NAALAD2: variants seen among roughly 807,000 people sequenced by gnomAD.
NAALAD2 encodes N-acetylated-alpha-linked acidic dipeptidase 2.
In NAALAD2, 89 loss-of-function variants were observed where a neutral mutation model predicts 95.6. The observed-to-expected ratio is 0.93, with a 90% CI of 0.78 to 1.11. The LOEUF is 1.11. Among genes scored for constraint, NAALAD2 ranks in the 50% least tolerant of loss-of-function variants. The pLI, the probability that NAALAD2 is intolerant of heterozygous loss-of-function variation, is 0.00. For missense variants in NAALAD2, 894 were observed against 872.4 expected (o/e 1.02, Z -0.31); for synonymous variants, 264 against 294.4 (o/e 0.90, Z 1.06).
chr11:90,156,614 C>A (rs1952125653), intron 6 of NAALAD2, among the ~76,000 whole-genome samples: 2 of 152,042 alleles, frequency 1.3e-5, no homozygotes, highest in South Asian at 4.1e-4. Context: ...CACTCTGTCA[C>A]CCTGTCTGTC....
intron 2 of NAALAD2, among the ~76,000 whole-genome samples, chr11:90,145,524 T>A (rs1951729858): frequency 6.6e-6 from 1 of 152,206 alleles, no homozygotes; most frequent in Non-Finnish European, 1.5e-5. Context: ...TTTATTCCTA[T>A]ACATATAAAA....
intron 16 of NAALAD2, among the ~76,000 whole-genome samples, chr11:90,179,018 T>C (rs534970423): frequency 6.6e-6 from 1 of 152,320 alleles, no homozygotes; most frequent in Admixed American, 6.5e-5. Flanking sequence ...TTCTTCGTTA[T>C]GTGACCTTGG....
chr11:90,134,390 C>A (rs928084139), upstream of NAALAD2: 3 of 228,624 alleles, frequency 1.3e-5, no homozygotes, highest in Non-Finnish European at 2.6e-5. Flanking sequence ...TACTTAAATT[C>A]ACTTCTGAGC....
At chr11:90,165,835 A>T (rs1203660438) in intron 11 of NAALAD2, among the ~76,000 whole-genome samples, 1 of 152,198 alleles carries the variant, frequency 6.6e-6, no homozygotes, top group Non-Finnish European at 1.5e-5. Context: ...ACACATATAA[A>T]CACATGCATC....
intron 6 of NAALAD2, among the ~76,000 whole-genome samples, chr11:90,152,734 GAAATACTGATCCTCATACCTAAAGT>G (rs1264721090): frequency 6.6e-6 from 1 of 151,994 alleles, no homozygotes; most frequent in Non-Finnish European, 1.5e-5. Context: ...TTAGAGTTCA[GAAATACTGATCCTCATACCTAAAGT>G]AATGCTCCTT....
At chr11:90,182,492 T>C (rs1470869099) in intron 17 of NAALAD2, among the ~76,000 whole-genome samples, 2 of 152,132 alleles carry the variant, frequency 1.3e-5, no homozygotes, top group Non-Finnish European at 2.9e-5. Flanking sequence ...CTTACCCTCC[T>C]TACAGGCTTC....
In NAALAD2 at chr11:90,176,031, C is replaced by T; in HGVS notation, c.1562C>T (p.Ala521Val). The T allele has an allele frequency of 5.6e-6, 9 of 1,613,354 alleles. No homozygotes were observed. Among genetic ancestry groups the T allele is most frequent in the Non-Finnish European group, 7.6e-6 (9 of 1,179,688 alleles). The change falls in exon 15 of 19, where the codon GCT becomes GTT. Residue 521 changes from alanine (A) to valine (V), a missense_variant. Transcript: ENST00000534061. The stretch of plus-strand genomic sequence containing the variant: ...GCTTATTTTCAGAGACTTGGAATTG[C>T]TTCAGGCAGAGCCCGTTACACTAAG... ...FEAYFQRLGI[A>V]SGRARYTKNK... is the part of the protein sequence containing the mutation.
chr11:90,177,852 G>C lies in NAALAD2; in HGVS notation c.1594-1G>C, dbSNP rs756946570. On this transcript the variant is annotated splice_acceptor_variant, in intron 15 of 18. Coordinates refer to ENST00000534061, the MANE Select transcript of NAALAD2 (RefSeq NM_005467.4). LOFTEE classifies it high-confidence loss of function. ...TACTTGCCTCTCCATTTTTTTTTCAGAAAACAGATAAGTACAGCAGCTACC... is the reference window on the plus strand; with the variant it reads ...TACTTGCCTCTCCATTTTTTTTTCACAAAACAGATAAGTACAGCAGCTACC... The C allele has an allele frequency of 3.2e-6, 5 of 1,580,036 alleles. No individual in the cohort carries two copies. In the South Asian group the frequency reaches 5.9e-5, roughly 19 times the overall value.
At chr11:90,136,727 G>T (rs1951461571) in intron 2 of NAALAD2, among the ~76,000 whole-genome samples, 1 of 152,146 alleles carries the variant, frequency 6.6e-6, no homozygotes, top group African/African-American at 2.4e-5. Context: ...GAATAAAGCT[G>T]CTATGAACAG....
At chr11:90,182,838 C>A in intron 17 of NAALAD2, 78 bp from the exon 18 acceptor site, 1 of 969,492 alleles carries the variant, frequency 1.0e-6, no homozygotes, top group Non-Finnish European at 1.6e-6. Flanking sequence ...TTTTCCCAAG[C>A]CTTGTTTTTA....
chr11:90,163,565 C>T lies in NAALAD2; in HGVS notation c.1226C>T (p.Ala409Val), dbSNP rs752131567. 1.2e-6 allele frequency: 2 copies of T among 1,613,990 alleles called. No homozygotes were observed. The highest frequency in any genetic ancestry group is 1.7e-6 in the Non-Finnish European group (2 of 1,179,934). ...AGACCTAGAAGAACTATCATTTTTG[C>T]CAGCTGGGATGCAGAAGAATTTGGA... ...GWRPRRTIIF[A>V]SWDAEEFGLL... Residue 409 changes from alanine (A) to valine (V), a missense_variant, in exon 11 of 19, where the codon GCC (alanine) becomes GTC (valine). Coordinates refer to ENST00000534061, the MANE Select transcript of NAALAD2 (RefSeq NM_005467.4).
At chr11:90,139,380 A>C (rs2134825826) in intron 2 of NAALAD2, among the ~76,000 whole-genome samples, 1 of 152,296 alleles carries the variant, frequency 6.6e-6, no homozygotes, top group South Asian at 2.1e-4. Flanking sequence ...TTCCTGCCTT[A>C]AATCTCAGTG....
chr11:90,181,736 A>G (rs775243945), intron 17 of NAALAD2, 35 bp downstream of exon 17: 9 of 1,314,876 alleles, frequency 6.8e-6, no homozygotes, highest in African/African-American at 1.5e-5. Flanking sequence ...TAAAAAAAAA[A>G]AAAAAAGCAA....
chr11:90,138,275 C>T (rs1202493436), intron 2 of NAALAD2, among the ~76,000 whole-genome samples: 1 of 151,916 alleles, frequency 6.6e-6, no homozygotes, highest in Non-Finnish European at 1.5e-5. Flanking sequence ...ATTGAGTAGG[C>T]TGAGGAGGAG....
In NAALAD2 at chr11:90,147,474, A is replaced by C. The variant is rs1349703681; in HGVS notation, c.339A>C (p.Thr113=). 5 of 1,613,300 alleles carry C rather than the reference A, an allele frequency of 3.1e-6. No homozygotes were observed. The highest frequency in any genetic ancestry group is 4.2e-6 in the Non-Finnish European group (5 of 1,179,594). The change falls in exon 3 of 19, where the codon ACA becomes ACC. Residue 113 remains threonine (T), a synonymous_variant. Transcript: ENST00000534061. ...TCCTCTTATCTTACCCCAATGAGAC[A>C]AATGCCAACTATATATCGATTGTGG... ...YDVLLSYPNE[T]NANYISIVDE...
chr11:90,167,961 G>A lies in NAALAD2; in HGVS notation c.1279-968G>A, dbSNP rs369581281. On this transcript the variant is annotated intron_variant, in intron 11 of 18. Transcript: ENST00000534061. ...AAAAGCAGGCTGCCGGAGCAGCAGT[G>A]GCAACCCTCTGGGGTCTCCTTCCAC... Among the ~76,000 whole-genome samples, 25 of 152,266 alleles carry A rather than the reference G, an allele frequency of 1.6e-4. No homozygotes were observed. The East Asian group carries it at 3.1e-3, about 19-fold the overall frequency.
chr11:90,180,914 G>A (rs755668332), intron 16 of NAALAD2, among the ~76,000 whole-genome samples: 2 of 152,046 alleles, frequency 1.3e-5, no homozygotes, highest in Non-Finnish European at 2.9e-5. Context: ...CATTGTATTA[G>A]GCATTATAAG....
chr11:90,167,613 G>T (rs1952509065), intron 11 of NAALAD2, among the ~76,000 whole-genome samples: 1 of 152,194 alleles, frequency 6.6e-6, no homozygotes, highest in South Asian at 2.1e-4. Context: ...CCTGAGTCTG[G>T]TGGGGACTTG....
intron 8 of NAALAD2, among the ~76,000 whole-genome samples, chr11:90,160,974 C>T (rs1468611471): frequency 6.6e-6 from 1 of 152,204 alleles, no homozygotes; most frequent in Non-Finnish European, 1.5e-5. Flanking sequence ...TAAAGGCCAA[C>T]TCCAAATCAT....
Sources: gnomAD v4.1 joint callset for allele counts (sites outside exome capture counted in the v4.1 genomes callset) on GRCh38, gnomAD v4.1.1 for gene constraint, MANE v1.5 for transcripts, NCBI Gene and HGNC (gene_info 2026-07-23, HGNC 2026-07-21) for gene names.